The following CTNND2 variants were observed in gnomAD, a reference collection of about 807,000 sequenced individuals.
CTNND2 encodes the protein catenin delta 2.
A neutral mutation model predicts 144.4 loss-of-function variants in CTNND2; 22 were observed. That is an observed-to-expected ratio of 0.15 (90% CI 0.11 to 0.22). The LOEUF (loss-of-function observed/expected upper bound fraction) is 0.22. CTNND2 is among the 10% of genes least tolerant of loss of function. The probability of loss-of-function intolerance (pLI) is 1.00; values close to 1 mark genes in which losing one functional copy is unlikely to be tolerated. For synonymous variants in CTNND2, 751 were observed against 695.6 expected (o/e 1.08, Z -1.25); for missense variants, 1,353 against 1,618.8 (o/e 0.84, Z 2.82).
At chr5:11,890,489 C>A (rs913763347) in intron 1 of CTNND2, among the ~76,000 whole-genome samples, 9 of 152,156 alleles carry the variant, frequency 5.9e-5, no homozygotes, top group African/African-American at 2.2e-4. Flanking sequence ...TTCAGATAGA[C>A]TATCCGTCTT....
intron 2 of CTNND2, among the ~76,000 whole-genome samples, chr5:11,702,633 C>A (rs1463284544): frequency 6.6e-6 from 1 of 152,200 alleles, no homozygotes; most frequent in Non-Finnish European, 1.5e-5. Flanking sequence ...CTCTCCAGCA[C>A]AAGGATTGCT....
At chr5:11,547,596 T>C (rs1581466675) in intron 3 of CTNND2, among the ~76,000 whole-genome samples, 1 of 152,150 alleles carries the variant, frequency 6.6e-6, no homozygotes, top group East Asian at 1.9e-4. Context: ...TAGAAAAATA[T>C]GCTGAAGACA....
chr5:11,111,207 G>A (rs1433899145), intron 13 of CTNND2, among the ~76,000 whole-genome samples, 164 bp from the exon 14 acceptor site: 1 of 152,122 alleles, frequency 6.6e-6, no homozygotes, highest in East Asian at 1.9e-4. Context: ...GAAAACAATT[G>A]GAGAAACTTA....
chr5:11,659,370 C>T (rs371289860), intron 2 of CTNND2, among the ~76,000 whole-genome samples: 45 of 152,090 alleles, frequency 3.0e-4, no homozygotes, highest in Admixed American at 2.6e-4. Flanking sequence ...ATACCAAGGG[C>T]GTATACCAGC....
intron 1 of CTNND2, among the ~76,000 whole-genome samples, chr5:11,775,017 A>T (rs1790172940): frequency 6.6e-6 from 1 of 152,102 alleles, no homozygotes; most frequent in Non-Finnish European, 1.5e-5. Context: ...CTGACTTTAT[A>T]GTCACAGTCA....
At chr5:11,354,764 T>C (rs1003356364) in intron 8 of CTNND2, among the ~76,000 whole-genome samples, 22 of 152,102 alleles carry the variant, frequency 1.4e-4, no homozygotes, top group African/African-American at 5.1e-4. Flanking sequence ...TAACAGACAT[T>C]TATAGAACAT....
At chr5:11,258,127 G>A (rs1414565208) in intron 9 of CTNND2, among the ~76,000 whole-genome samples, 3 of 152,122 alleles carry the variant, frequency 2.0e-5, no homozygotes, top group Non-Finnish European at 2.9e-5. Context: ...AGCGAGACTC[G>A]TACCTTAGGC....
At chr5:11,794,713 A>C (rs922003238) in intron 1 of CTNND2, among the ~76,000 whole-genome samples, 1 of 152,238 alleles carries the variant, frequency 6.6e-6, no homozygotes, top group Non-Finnish European at 1.5e-5. Flanking sequence ...CAAAATTAGA[A>C]TTTATACCAT....
rs1753903086 is a variant in CTNND2, at chr5:11,338,162, G to A, written c.1628+8210C>T. The stretch of plus-strand genomic sequence containing the variant: ...CAAGGTGTGTAGCAGGGGTGTTAGG[G>A]AGGGTGAACTACACTGAGAAGGAGG... On this transcript the variant is annotated intron_variant, in intron 9 of 21. Coordinates refer to ENST00000304623, the MANE Select transcript of CTNND2 (RefSeq NM_001332.4). Among the ~76,000 whole-genome samples the A allele has an allele frequency of 3.3e-5, 5 of 152,284 alleles. No homozygotes were observed. In the South Asian group the frequency reaches 1.0e-3, roughly 32 times the overall value.
At chr5:11,429,022 C>T (rs887913642) in intron 3 of CTNND2, among the ~76,000 whole-genome samples, 1 of 152,184 alleles carries the variant, frequency 6.6e-6, no homozygotes, top group Non-Finnish European at 1.5e-5. Flanking sequence ...GCCTTCCCCA[C>T]CCCTCCCCCT....
intron 16 of CTNND2, among the ~76,000 whole-genome samples, chr5:11,047,772 A>G (rs1301191021): frequency 6.6e-6 from 1 of 152,120 alleles, no homozygotes; most frequent in Non-Finnish European, 1.5e-5. Flanking sequence ...CTTACCAGGT[A>G]AAATACCAGC....
chr5:10,986,077 A>G (rs1340685381), intron 20 of CTNND2, among the ~76,000 whole-genome samples: 1 of 152,228 alleles, frequency 6.6e-6, no homozygotes, highest in African/African-American at 2.4e-5. Flanking sequence ...GGCTTGCTAC[A>G]TGATTGAGAG....
At chr5:11,100,157 A>C (rs2149668580) in intron 14 of CTNND2, among the ~76,000 whole-genome samples, 1 of 152,282 alleles carries the variant, frequency 6.6e-6, no homozygotes, top group Admixed American at 6.5e-5. Flanking sequence ...AATTTCAAAA[A>C]CTTCATTATT....
At chr5:11,788,160 T>C (rs1790932232) in intron 1 of CTNND2, among the ~76,000 whole-genome samples, 1 of 152,206 alleles carries the variant, frequency 6.6e-6, no homozygotes, top group Non-Finnish European at 1.5e-5. Flanking sequence ...AAAATAACCT[T>C]GGTTAAATTT....
At chr5:11,289,504 G>A (rs942492429) in intron 9 of CTNND2, among the ~76,000 whole-genome samples, 5 of 152,176 alleles carry the variant, frequency 3.3e-5, no homozygotes, top group African/African-American at 4.8e-5. Flanking sequence ...GCAACTCCTC[G>A]CCTTCAAAAT....
chr5:11,623,826 A>G (rs1446994837), intron 2 of CTNND2, among the ~76,000 whole-genome samples: 28 of 119,098 alleles, frequency 2.4e-4, no homozygotes, highest in African/African-American at 9.6e-4. Flanking sequence ...ATATATATAT[A>G]TATATATATA....
At chr5:11,113,364 T>C (rs1242017991) in intron 13 of CTNND2, among the ~76,000 whole-genome samples, 1 of 152,166 alleles carries the variant, frequency 6.6e-6, no homozygotes, top group Non-Finnish European at 1.5e-5. Flanking sequence ...ATTGGTGTTT[T>C]CCTGGAGGAC....
At chr5:11,442,695 GA>G (rs1764366254) in intron 3 of CTNND2, among the ~76,000 whole-genome samples, 1 of 151,302 alleles carries the variant, frequency 6.6e-6, no homozygotes, top group Non-Finnish European at 1.5e-5. Context: ...TAAGGAAAGA[GA>G]CTTTACTCAG....
chr5:11,713,935 AG>A lies in CTNND2; in HGVS notation c.174+18200del, dbSNP rs1373883334. On this transcript the variant is annotated intron_variant, in intron 2 of 21. Coordinates refer to ENST00000304623, the MANE Select transcript of CTNND2 (RefSeq NM_001332.4). ...TGTGGCATAGGACACTGGGGACAGC[AG>A]GGGGGCGGGACTCTGAGGACTCCAT... Among the ~76,000 whole-genome samples, 9 of 112,482 alleles carry A rather than the reference AG, an allele frequency of 8.0e-5. No homozygotes were observed. In the East Asian group the frequency reaches 3.2e-3, roughly 39 times the overall value. The allele number at this position is 112,482 out of a possible 152,430, so 73.8% of individuals were successfully genotyped here.
Sources: gnomAD v4.1 joint callset for allele counts (sites outside exome capture counted in the v4.1 genomes callset) on GRCh38, gnomAD v4.1.1 for gene constraint, MANE v1.5 for transcripts, NCBI Gene and HGNC (gene_info 2026-07-23, HGNC 2026-07-21) for gene names.